TNC: variants seen among roughly 807,000 people sequenced by gnomAD.
TNC encodes the protein tenascin C.
Under a neutral mutation model 202.4 loss-of-function variants are expected in TNC, and 109 were observed. The observed-to-expected ratio is 0.54, with a 90% CI of 0.46 to 0.63. TNC has a LOEUF of 0.63. Among genes scored for constraint, TNC ranks in the 30% least tolerant of loss-of-function variants. The pLI is 0.00. For synonymous variants in TNC, 1,007 were observed against 1,089.7 expected (o/e 0.92, Z 1.50); for missense variants, 2,756 against 2,833.3 (o/e 0.97, Z 0.62).
At chr9:115,089,705 G>T (rs1356009325) in intron 2 of TNC, among the ~76,000 whole-genome samples, 1 of 152,120 alleles carries the variant, frequency 6.6e-6, no homozygotes, top group Admixed American at 6.5e-5. Context: ...TCACCATGTT[G>T]GCCAGGCTGG....
intron 17 of TNC, among the ~76,000 whole-genome samples, chr9:115,044,884 T>G (rs1417834743): frequency 2.6e-5 from 4 of 152,320 alleles, no homozygotes; most frequent in South Asian, 4.1e-4. Flanking sequence ...TTGCCACTTA[T>G]TAGGTCCTGA....
intron 15 of TNC, chr9:115,052,819 G>A: frequency 2.8e-6 from 2 of 702,734 alleles, no homozygotes; most frequent in South Asian, 3.0e-5. Context: ...CATAGCCAGT[G>A]TTCTCCACCA....
Position 115,064,697 on chromosome 9 carries a change from C to T in TNC, c.3437G>A (p.Gly1146Glu), listed in dbSNP as rs1832808293. 6.2e-7 allele frequency: 1 copy of T among 1,614,164 alleles called. No individual in the cohort carries two copies. Among genetic ancestry groups the T allele is most frequent in the African/African-American group, 1.3e-5 (1 of 75,026 alleles). ...TGGTGTTCTATAGCCCTGGATCACC[C>T]CATAGATGGAGACTGTATAAGGCGT... ...AATPYTVSIYGVIQGYRTPVL... is the reference protein window; with the variant it reads ...AATPYTVSIYEVIQGYRTPVL... The change falls in exon 11 of 28, where the codon GGG (glycine) becomes GAG (glutamate). Residue 1146 changes from glycine (G) to glutamate (E), a missense_variant. Around this residue, in one of 2 missense-constraint regions of TNC, gnomAD observed 2,559 missense variants for 2,546.0 expected, o/e 1.01. Transcript: ENST00000350763.
At position 115,078,244 on chromosome 9, in the gene TNC, A is replaced by C. The variant is rs1257905834; in HGVS notation, c.2405-32T>G. The C allele has an allele frequency of 8.2e-6, 13 of 1,576,274 alleles. 1 individual carries two copies. The South Asian group carries it at 1.5e-4, about 18-fold the overall frequency. ...TGGGCAGAGGACAGAGAGGCTTCAG[A>C]GGTTAGGGCCATTGCCTGAGGCTTA... On this transcript the variant is annotated intron_variant, in intron 6 of 27. Coordinates refer to ENST00000350763, the MANE Select transcript of TNC (RefSeq NM_002160.4).
intron 25 of TNC, among the ~76,000 whole-genome samples, chr9:115,027,050 A>G (rs1046851048): frequency 1.3e-5 from 2 of 151,788 alleles, no homozygotes; most frequent in Admixed American, 6.6e-5. Flanking sequence ...CAGAAGTTGC[A>G]GAGAGCTGAG....
intron 12 of TNC, 105 bp downstream of exon 12, chr9:115,063,691 C>T (rs1291054425): frequency 1.6e-6 from 2 of 1,236,364 alleles, no homozygotes; most frequent in South Asian, 3.0e-5. Flanking sequence ...TGGTATTTCC[C>T]CAATGTGGTA....
chr9:115,045,393 G>A (rs1831097420), intron 17 of TNC, among the ~76,000 whole-genome samples: 1 of 152,084 alleles, frequency 6.6e-6, no homozygotes, highest in African/African-American at 2.4e-5. Context: ...TTGAGACAGA[G>A]TCTTGCTCTG....
In TNC at chr9:115,084,398, G is replaced by T. The variant is rs149181557; in HGVS notation, c.1942C>A (p.Arg648=). Residue 648 remains arginine, a synonymous_variant, in exon 4 of 28, where the codon CGG becomes AGG. Transcript: ENST00000350763. ...TACACGACAAGGTACTCTGTGACCC[G>T]CATCTCATTGTCCCAGGCCAGGTTG... ...TVNLAWDNEM[R]VTEYLVVYTP... 35 of 1,614,050 alleles carry T rather than the reference G, an allele frequency of 2.2e-5. No homozygotes were observed. Among genetic ancestry groups the T allele is most frequent in the Non-Finnish European group, 1.8e-5 (21 of 1,180,038 alleles).
At chr9:115,042,766 G>T (rs1830861210) in intron 17 of TNC, among the ~76,000 whole-genome samples, 1 of 152,148 alleles carries the variant, frequency 6.6e-6, no homozygotes, top group Admixed American at 6.5e-5. Flanking sequence ...TAATCCTCCT[G>T]TAGAAGCCCC....
Position 115,046,624 on chromosome 9 carries a change from A to G in TNC, c.4911T>C (p.Arg1637=). 4 of 1,613,998 alleles carry G rather than the reference A, an allele frequency of 2.5e-6. No individual in the cohort carries two copies. The highest frequency in any genetic ancestry group is 3.4e-6 in the Non-Finnish European group (4 of 1,180,002). The change falls in exon 17 of 28, where the codon CGT becomes CGC. Residue 1637 remains arginine (R), a synonymous_variant. Coordinates refer to ENST00000350763, the MANE Select transcript of TNC (RefSeq NM_002160.4). ...CCCCTTCATCAGCTGTCCAGGACAG[A>G]CGGAAACCGTCTGGGGTGGCATCTG... The part of the protein sequence containing the change: ...LVSDATPDGF[R]LSWTADEGVF...
intron 25 of TNC, among the ~76,000 whole-genome samples, chr9:115,027,443 A>G (rs1045729275): frequency 6.6e-6 from 1 of 151,954 alleles, no homozygotes; most frequent in African/African-American, 2.4e-5. Flanking sequence ...TACAAAAATT[A>G]GGAGGGCATG....
At chr9:115,088,758 C>T (rs952158305) in intron 2 of TNC, among the ~76,000 whole-genome samples, 2 of 150,622 alleles carry the variant, frequency 1.3e-5, no homozygotes, top group African/African-American at 2.4e-5. Flanking sequence ...GTATGGTGGC[C>T]CTTGGCCACA....
intron 26 of TNC, among the ~76,000 whole-genome samples, chr9:115,025,976 G>A (rs954987957): frequency 4.6e-5 from 7 of 152,204 alleles, no homozygotes; most frequent in Non-Finnish European, 7.3e-5. Context: ...TGGCAGGGAT[G>A]TCTTGGAAGA....
intron 16 of TNC, among the ~76,000 whole-genome samples, chr9:115,047,211 G>C (rs187174991): frequency 8.2e-6 from 1 of 121,998 alleles, no homozygotes; most frequent in African/African-American, 3.1e-5. Flanking sequence ...TCTTAGTGCT[G>C]TTTCACTAAA....
intron 13 of TNC, 122 bp downstream of exon 13, chr9:115,062,795 T>TA: frequency 8.6e-7 from 1 of 1,160,758 alleles, no homozygotes; most frequent in Non-Finnish European, 1.2e-6. Flanking sequence ...CTTCCTGAGT[T>TA]AGAGATTCAC....
intron 27 of TNC, among the ~76,000 whole-genome samples, chr9:115,023,647 C>T (rs753665066): frequency 1.3e-5 from 2 of 152,172 alleles, no homozygotes; most frequent in Non-Finnish European, 2.9e-5. Flanking sequence ...TGTCATCAAC[C>T]CTGCTTCACC....
chr9:115,071,660 A>G (rs1389186136), intron 10 of TNC, among the ~76,000 whole-genome samples: 2 of 152,152 alleles, frequency 1.3e-5, no homozygotes, highest in Admixed American at 6.5e-5. Flanking sequence ...TAGATACAGC[A>G]TTTATCAAAC....
At chr9:115,036,392 CTCTT>C in intron 20 of TNC, 151 bp from the exon 21 acceptor site, 1 of 819,396 alleles carries the variant, frequency 1.2e-6, no homozygotes, top group Non-Finnish European at 1.9e-6. Context: ...GACTCACGCT[CTCTT>C]TCTCTCTCTT....
Position 115,107,331 on chromosome 9 carries a change from C to A in TNC, c.-137+10651G>T, listed in dbSNP as rs562886333. 2.6e-5 allele frequency among the ~76,000 whole-genome samples: 4 copies of A among 152,236 alleles called. No individual in the cohort carries two copies. The South Asian group carries it at 8.3e-4, about 32-fold the overall frequency. On this transcript the variant is annotated intron_variant, in intron 1 of 27. Coordinates refer to ENST00000350763, the MANE Select transcript of TNC (RefSeq NM_002160.4). ...ACAAACAAATGAGCATGGCTGTGTT[C>A]CAATAAAACTTTATTTACAAAAATA...
Sources: gnomAD v4.1 joint callset for allele counts (sites outside exome capture counted in the v4.1 genomes callset) on GRCh38, gnomAD v4.1.1 for gene constraint, gnomAD v4.1.1 regional missense constraint, MANE v1.5 for transcripts, NCBI Gene and HGNC (gene_info 2026-07-23, HGNC 2026-07-21) for gene names.